The following CFAP97D2 variants were observed in gnomAD, a reference collection of about 807,000 sequenced individuals.
CFAP97D2 encodes uncharacterized protein CFAP97D2.
At chr13:114,217,312 T>A (rs1242427152) in intron 4 of CFAP97D2, among the ~76,000 whole-genome samples, 2 of 152,058 alleles carry the variant, frequency 1.3e-5, no homozygotes, top group African/African-American at 4.8e-5. Flanking sequence ...ACATACACCC[T>A]CCCAAGACTA....
rs184435939 is a variant in CFAP97D2, at chr13:114,211,545, G to A, written c.291-367G>A. On this transcript the variant is annotated intron_variant, in intron 3 of 4. Transcript: ENST00000646158. This position sits in a 1 kb window ranked among gnomAD's most constrained non-coding sequence, Gnocchi z 4.2. Reference sequence around the variant, plus strand: ...CCTGCTCTCCGCCATGGGTGCCCGGGTGCTCGCCCTCCCTGCCTGGGACCC... The same window carrying A: ...CCTGCTCTCCGCCATGGGTGCCCGGATGCTCGCCCTCCCTGCCTGGGACCC... 1.7e-4 allele frequency among the ~76,000 whole-genome samples: 26 copies of A among 151,492 alleles called. No individual in the cohort carries two copies. The highest frequency in any genetic ancestry group is 5.6e-4 in the African/African-American group (23 of 41,068).
chr13:114,183,136 C>T (rs1172580539), intron 1 of CFAP97D2, among the ~76,000 whole-genome samples: 1 of 152,118 alleles, frequency 6.6e-6, no homozygotes, highest in Non-Finnish European at 1.5e-5. Context: ...CCATTTCTGC[C>T]ACTACAACAA....
In CFAP97D2 at chr13:114,207,088, G is replaced by A. The variant is rs1034917835; in HGVS notation, c.291-4824G>A. Among the ~76,000 whole-genome samples the A allele has an allele frequency of 7.2e-5, 11 of 152,194 alleles. No homozygotes were observed. Among genetic ancestry groups the A allele is most frequent in the Non-Finnish European group, 1.3e-4 (9 of 68,024 alleles). ...GCACAGGCTGCCAAGCATCACCACC[G>A]CATGGCAGCAGTGTCCCCGCATCCA... On this transcript the variant is annotated intron_variant, in intron 3 of 4. Transcript: ENST00000646158. The surrounding 1 kb of genome is among the most constrained non-coding windows in gnomAD (Gnocchi z 4.9).
At position 114,207,895 on chromosome 13, in the gene CFAP97D2, C is replaced by A. The variant is rs965617374; in HGVS notation, c.291-4017C>A. ...ACTCAGGTCCAAAATATGTCCCATG[C>A]TCTTCCTCTAAGAGAAGACATTGGC... On this transcript the variant is annotated intron_variant, in intron 3 of 4. Coordinates refer to ENST00000646158, the Ensembl canonical transcript of CFAP97D2. This position sits in a 1 kb window ranked among gnomAD's most constrained non-coding sequence, Gnocchi z 4.9. Among the ~76,000 whole-genome samples the A allele has an allele frequency of 7.9e-5, 12 of 152,200 alleles. No homozygotes were observed. Among genetic ancestry groups the A allele is most frequent in the Non-Finnish European group, 1.2e-4 (8 of 68,042 alleles).
intron 1 of CFAP97D2, among the ~76,000 whole-genome samples, chr13:114,184,973 C>CT (rs2080849565): frequency 6.6e-6 from 1 of 152,154 alleles, no homozygotes; most frequent in South Asian, 2.1e-4. Context: ...ATAAGTGAAA[C>CT]GAATAAGCAG....
intron 3 of CFAP97D2, among the ~76,000 whole-genome samples, chr13:114,205,155 CAA>C: frequency 6.6e-6 from 1 of 152,188 alleles, no homozygotes; most frequent in Non-Finnish European, 1.5e-5. Context: ...TGACTGGAAT[CAA>C]AATGACAGAT....
chr13:114,192,354 A>G (rs1028030870), intron 1 of CFAP97D2, among the ~76,000 whole-genome samples: 2 of 152,186 alleles, frequency 1.3e-5, no homozygotes, highest in African/African-American at 4.8e-5. Context: ...AAATATCTGT[A>G]CCTTTCTCTC....
intron 1 of CFAP97D2, among the ~76,000 whole-genome samples, chr13:114,181,812 G>T (rs1798110840): frequency 6.6e-6 from 1 of 152,014 alleles, no homozygotes; most frequent in African/African-American, 2.4e-5. Flanking sequence ...CTAGAATAGG[G>T]GCCTCATCCT....
At chr13:114,182,519 T>G in intron 1 of CFAP97D2, among the ~76,000 whole-genome samples, 1 of 151,808 alleles carries the variant, frequency 6.6e-6, no homozygotes, top group African/African-American at 2.4e-5. Context: ...CAGTCAGGTC[T>G]TTCTCATCCC....
At chr13:114,188,176 A>G (rs1490006151) in intron 1 of CFAP97D2, among the ~76,000 whole-genome samples, 1 of 151,442 alleles carries the variant, frequency 6.6e-6, no homozygotes, top group African/African-American at 2.4e-5. Flanking sequence ...CCCACCTATT[A>G]GGGAGGCTGA....
intron 1 of CFAP97D2, among the ~76,000 whole-genome samples, chr13:114,194,229 T>G (rs759589335): frequency 1.2e-4 from 18 of 152,138 alleles, no homozygotes; most frequent in South Asian, 1.0e-3. Flanking sequence ...GCTGCTAACA[T>G]CACAAGGTAG....
intron 3 of CFAP97D2, among the ~76,000 whole-genome samples, chr13:114,208,480 T>G (rs2080951525): frequency 6.6e-6 from 1 of 152,316 alleles, no homozygotes; most frequent in South Asian, 2.1e-4. Context: ...ATGTGCTTAT[T>G]TATTACCATA....
At position 114,182,257 on chromosome 13, in the gene CFAP97D2, T is replaced by C. The variant is rs568191986; in HGVS notation, c.90+2837T>C. Among the ~76,000 whole-genome samples the C allele has an allele frequency of 8.1e-3, 1,161 of 144,106 alleles. 17 individuals carry two copies. Among genetic ancestry groups the C allele is most frequent in the African/African-American group, 0.027 (1,075 of 39,120 alleles). The allele number at this position is 144,106 out of a possible 152,430, so 94.5% of individuals were successfully genotyped here. On this transcript the variant is annotated intron_variant, in intron 1 of 4. Transcript: ENST00000646158. ...CACGTAGGCCAGATTTATGTTTCTC[T>C]CCGCCCAAACATCTCAGTGGAGTAA... is the stretch of plus-strand genomic sequence containing the variant.
chr13:114,200,283 G>A (rs2080911336), intron 2 of CFAP97D2, 42 bp from the exon 3 acceptor site: 2 of 396,586 alleles, frequency 5.0e-6, no homozygotes, highest in Non-Finnish European at 8.9e-6. Flanking sequence ...GAAGAGCCTC[G>A]CAATCTGCCG....
chr13:114,182,165 CA>C (rs1313747974), intron 1 of CFAP97D2, among the ~76,000 whole-genome samples: 31 of 135,164 alleles, frequency 2.3e-4, no homozygotes, highest in African/African-American at 7.4e-4. Context: ...AGAAGGTCAG[CA>C]AAAAACGTGA....
Position 114,185,628 on chromosome 13 carries a change from G to A in CFAP97D2, c.90+6208G>A, listed in dbSNP as rs1192576553. Among the ~76,000 whole-genome samples the A allele has an allele frequency of 6.6e-6, 1 of 152,224 alleles. No homozygotes were observed. Among genetic ancestry groups the A allele is most frequent in the African/African-American group, 2.4e-5 (1 of 41,464 alleles). On this transcript the variant is annotated intron_variant, in intron 1 of 4. Transcript: ENST00000646158. This position sits in a 1 kb window ranked among gnomAD's most constrained non-coding sequence, Gnocchi z 5.2. ...TCAGAAGTGCCTGCTCCCACTGCCT[G>A]GCTTCTCCCCACTGTTGGCACCAGC... is the stretch of plus-strand genomic sequence containing the variant.
intron 4 of CFAP97D2, among the ~76,000 whole-genome samples, chr13:114,219,983 C>T (rs892320376): frequency 4.2e-5 from 6 of 143,160 alleles, no homozygotes; most frequent in Middle Eastern, 3.5e-3. Context: ...GGTGGTGCTT[C>T]CCCACCTTGG....
chr13:114,209,190 C>T (rs1378780242), intron 3 of CFAP97D2, among the ~76,000 whole-genome samples: 2 of 152,224 alleles, frequency 1.3e-5, no homozygotes, highest in African/African-American at 2.4e-5. Flanking sequence ...AACAGGAGCT[C>T]GCTTGCCACT....
intron 3 of CFAP97D2, among the ~76,000 whole-genome samples, chr13:114,201,591 G>A (rs565944271): frequency 6.6e-6 from 1 of 152,324 alleles, no homozygotes; most frequent in East Asian, 1.9e-4. Context: ...CCATGGGAAA[G>A]TCAACCATTT....
Sources: gnomAD v4.1 joint callset for allele counts (sites outside exome capture counted in the v4.1 genomes callset) on GRCh38, gnomAD v4.1.1 for gene constraint, Gnocchi (gnomAD v3.1) non-coding constraint, MANE v1.5 for transcripts, NCBI Gene and HGNC (gene_info 2026-07-23, HGNC 2026-07-21) for gene names.